Variants in TMEM130 observed in about 807,000 individuals in gnomAD.
TMEM130 encodes the protein transmembrane protein 130.
A neutral mutation model predicts 42.9 loss-of-function variants in TMEM130; 37 were observed. The observed-to-expected ratio is 0.86, with a 90% CI of 0.66 to 1.13. The LOEUF is 1.13. Ranked by LOEUF, TMEM130 falls within the 50% of genes most tolerant of loss-of-function variation. The probability of loss-of-function intolerance (pLI) is 0.00; values close to 1 mark genes in which losing one functional copy is unlikely to be tolerated. For missense variants in TMEM130, 545 were observed against 562.6 expected, an observed-to-expected ratio of 0.97 and a Z score of 0.32; for synonymous variants, 259 against 237.7, an observed-to-expected ratio of 1.09 and a Z score of -0.82.
intron 6 of TMEM130, among the ~76,000 whole-genome samples, chr7:98,850,332 C>T (rs1162269058): frequency 1.4e-5 from 2 of 142,808 alleles, no homozygotes; most frequent in Non-Finnish European, 3.0e-5. Flanking sequence ...GGCTGGAGTG[C>T]AGCAGCTCAA....
At chr7:98,849,559 C>T (rs903893572) in intron 6 of TMEM130, among the ~76,000 whole-genome samples, 1 of 152,256 alleles carries the variant, frequency 6.6e-6, no homozygotes, top group East Asian at 1.9e-4. Context: ...CAAAGTAAGC[C>T]AGGGCCAAGA....
intron 2 of TMEM130, among the ~76,000 whole-genome samples, chr7:98,862,824 C>T (rs1050247779): frequency 2.4e-4 from 36 of 152,172 alleles, no homozygotes; most frequent in African/African-American, 8.7e-4. Context: ...TTCTAACCAA[C>T]AGTACCTATT....
Position 98,848,204 on chromosome 7 carries a change from G to A in TMEM130, c.1124C>T (p.Pro375Leu), listed in dbSNP as rs138841372. 1.2e-4 allele frequency: 200 copies of A among 1,614,008 alleles called. No homozygotes were observed. The highest frequency in any genetic ancestry group is 4.9e-4 in the African/African-American group (37 of 75,008). ...ATQQKDMVEN[P>L]EPPSGVRCCC... ...GCACCTGACCCCAGAGGGTGGCTCC[G>A]GGTTCTTGTCAGACATGGGGGAAAA... is the stretch of plus-strand genomic sequence containing the variant. The change falls in exon 8 of 8, where the codon CCG becomes CTG. Residue 375 changes from proline to leucine, a missense_variant. Physicochemically the swap from Pro to Leu is moderately conservative, Grantham distance 98. Transcript: ENST00000339375.
At chr7:98,851,669 A>G (rs1794509867) in intron 5 of TMEM130, 46 bp from the exon 6 acceptor site, 2 of 1,520,848 alleles carry the variant, frequency 1.3e-6, no homozygotes, top group Non-Finnish European at 1.8e-6. Flanking sequence ...TCAGCAAAGC[A>G]TGTCAGCACA....
At position 98,863,246 on chromosome 7, in the gene TMEM130, C is replaced by A. The variant is rs782444830; in HGVS notation, c.240G>T (p.Val80=). The A allele has an allele frequency of 6.2e-7, 1 of 1,614,070 alleles. No homozygotes were observed. The highest frequency in any genetic ancestry group is 8.5e-7 in the Non-Finnish European group (1 of 1,180,038). The change falls in exon 2 of 8, where the codon GTG becomes GTT. Residue 80 remains valine, a synonymous_variant. Transcript: ENST00000339375. ...GACCCTTCTCCATCTTGCCAGTAAG[C>A]ACCAGCGGGGTGTGGATCCAGTGGA... ...YRFHWIHTPL[V]LTGKMEKGLS...
At position 98,869,839 on chromosome 7, in the gene TMEM130, C is replaced by T. The variant is rs201763115; in HGVS notation, c.23G>A (p.Arg8His). 2,159 of 1,443,306 alleles carry T rather than the reference C, an allele frequency of 1.5e-3. 4 individuals are homozygous for T. The highest frequency in any genetic ancestry group is 1.9e-3 in the Non-Finnish European group (2,065 of 1,099,406). 89.4% of individuals were successfully genotyped at this position (1,443,306 alleles called of 1,614,324 possible). A position where few individuals can be genotyped will look rare whatever the true frequency, so the allele number is the denominator to read the frequency against. ...GGCAAGCCAGAGGATGCGGCCGAGG[C>T]GCGACCACACTGCCTGGGCCATTGC... Reference protein sequence around the residue: MAQAVWSRLGRILWLACL... With the variant: MAQAVWSHLGRILWLACL... Residue 8 changes from arginine (R) to histidine (H), a missense_variant, in exon 1 of 8, where the codon CGC becomes CAC. Arg to His is a conservative substitution (Grantham distance 29). Coordinates refer to ENST00000339375, the MANE Select transcript of TMEM130 (RefSeq NM_152913.3). This position sits in a 1 kb window ranked among gnomAD's most constrained non-coding sequence, Gnocchi z 4.7.
chr7:98,850,023 G>C (rs916408140), intron 6 of TMEM130, among the ~76,000 whole-genome samples: 2 of 151,792 alleles, frequency 1.3e-5, no homozygotes, highest in Non-Finnish European at 2.9e-5. Flanking sequence ...CAAGAAAGAA[G>C]GTTGGGCATC....
intron 2 of TMEM130, 82 bp downstream of exon 2, chr7:98,863,013 T>G: frequency 6.8e-7 from 1 of 1,462,100 alleles, no homozygotes; most frequent in African/African-American, 1.4e-5. Context: ...TAATCTGCAT[T>G]GATCTGATTC....
intron 3 of TMEM130, among the ~76,000 whole-genome samples, chr7:98,859,665 A>C (rs1794711115): frequency 6.6e-6 from 1 of 152,152 alleles, no homozygotes; most frequent in African/African-American, 2.4e-5. Context: ...ACTTGAGGTC[A>C]GGAGTTCAAG....
chr7:98,860,409 A>C, intron 2 of TMEM130, 71 bp from the exon 3 acceptor site: 1 of 1,460,846 alleles, frequency 6.8e-7, no homozygotes, highest in Non-Finnish European at 9.2e-7. Context: ...TAGAGACTTC[A>C]TGGGCAGCTG....
intron 3 of TMEM130, among the ~76,000 whole-genome samples, chr7:98,857,168 C>T (rs369146447): frequency 6.6e-6 from 1 of 152,200 alleles, no homozygotes; most frequent in East Asian, 1.9e-4. Context: ...GCTTTCCCCA[C>T]CCTCTTGGCC....
intron 1 of TMEM130, among the ~76,000 whole-genome samples, chr7:98,865,477 A>T (rs1169148195): frequency 6.6e-6 from 1 of 152,166 alleles, no homozygotes. Context: ...GTGTGGTGGC[A>T]TGCGCCTGTA....
At chr7:98,863,717 CTTTT>C (rs1251528359) in intron 1 of TMEM130, among the ~76,000 whole-genome samples, 5 of 144,708 alleles carry the variant, frequency 3.5e-5, no homozygotes, top group Admixed American at 1.4e-4. Flanking sequence ...TCCTTCCTTT[CTTTT>C]TCTTTCCTTT....
rs1354143429 is a variant in TMEM130 at position 98,848,181 on chromosome 7, A to T, written c.1147T>A (p.Cys383Ser). Residue 383 changes from cysteine to serine, a missense_variant, in exon 8 of 8, where the codon TGC becomes AGC. Coordinates refer to ENST00000339375, the MANE Select transcript of TMEM130 (RefSeq NM_152913.3). The part of the protein sequence containing the change: ...ENPEPPSGVR[C>S]CCQMCCGPFL... Reference sequence around the variant, plus strand: ...GGCCCACAGCACATCTGGCAGCAGCACCTGACCCCAGAGGGTGGCTCCGGG... The same window carrying T: ...GGCCCACAGCACATCTGGCAGCAGCTCCTGACCCCAGAGGGTGGCTCCGGG... 5.6e-6 allele frequency: 9 copies of T among 1,613,992 alleles called. No individual in the cohort carries two copies. The highest frequency in any genetic ancestry group is 7.6e-6 in the Non-Finnish European group (9 of 1,180,012).
rs143834642 is a variant in TMEM130, at chr7:98,855,816, G to A, written c.718+201C>T. ...GCAGGCAGCCCGGGGCACAAGGGCC[G>A]CTCAGCCACTGCACAGCCACATGAT... On this transcript the variant is annotated intron_variant, in intron 4 of 7. Transcript: ENST00000339375. Among the ~76,000 whole-genome samples, 231 of 152,316 alleles carry A rather than the reference G, an allele frequency of 1.5e-3. 1 individual carries two copies. Among genetic ancestry groups the A allele is most frequent in the African/African-American group, 5.3e-3 (220 of 41,580 alleles).
At position 98,863,286 on chromosome 7, in the gene TMEM130, G is replaced by C. The variant is rs1554400130; in HGVS notation, c.200C>G (p.Ala67Gly). 1.2e-6 allele frequency: 2 copies of C among 1,612,762 alleles called. No individual in the cohort carries two copies. Among genetic ancestry groups the C allele is most frequent in the South Asian group, 2.2e-5 (2 of 91,036 alleles). The change falls in exon 2 of 8, where the codon GCC (alanine) becomes GGC (glycine). Residue 67 changes from alanine (A) to glycine (G), a missense_variant. Physicochemically the swap from Ala to Gly is moderately conservative, Grantham distance 60 (BLOSUM62 0). Transcript: ENST00000339375. ...GATCCAGTGGAAGCGGTAGAGGTGGGCGTCAGCGGGCAGGGCCAGGCTGCC... is the reference window on the plus strand; with the variant it reads ...GATCCAGTGGAAGCGGTAGAGGTGGCCGTCAGCGGGCAGGGCCAGGCTGCC... ...DNGSLALPAD[A>G]HLYRFHWIHT...
At position 98,860,186 on chromosome 7, in the gene TMEM130, C is replaced by G. The variant is rs542883230; in HGVS notation, c.544G>C (p.Gly182Arg). 2.5e-6 allele frequency: 4 copies of G among 1,612,452 alleles called. No homozygotes were observed. The highest frequency in any genetic ancestry group is 1.1e-5 in the South Asian group (1 of 90,720). The change falls in exon 3 of 8, where the codon GGG (glycine) becomes CGG (arginine). Residue 182 changes from glycine to arginine, a missense_variant. Gly to Arg is a moderately radical substitution (Grantham distance 125). Transcript: ENST00000339375. ...TALFLYSWDF[G>R]DGTQMVTEDS... ...AGAGGGGTAAGGACCTACCCGTCCC[C>G]GAAGTCCCAGCTGTAGAGAAACAAG...
chr7:98,865,127 G>C (rs1489444930), intron 1 of TMEM130, among the ~76,000 whole-genome samples: 1 of 152,228 alleles, frequency 6.6e-6, no homozygotes, highest in East Asian at 1.9e-4. Flanking sequence ...CTGTTGCCAA[G>C]GGGCACCCGG....
At chr7:98,854,408 C>A (rs1554398656) in intron 5 of TMEM130, among the ~76,000 whole-genome samples, 1 of 152,146 alleles carries the variant, frequency 6.6e-6, no homozygotes, top group Non-Finnish European at 1.5e-5. Context: ...GTGAATACAG[C>A]CCCAAAAGGC....
Sources: gnomAD v4.1 joint callset for allele counts (sites outside exome capture counted in the v4.1 genomes callset) on GRCh38, gnomAD v4.1.1 for gene constraint, Gnocchi (gnomAD v3.1) non-coding constraint, MANE v1.5 for transcripts, NCBI Gene and HGNC (gene_info 2026-07-23, HGNC 2026-07-21) for gene names.